TMEM135: variants seen among roughly 807,000 people sequenced by gnomAD.
TMEM135 encodes the protein transmembrane protein 135.
In TMEM135, 30 loss-of-function variants were observed where a neutral mutation model predicts 60.3. The observed-to-expected ratio is 0.50, with a 90% CI of 0.37 to 0.68. The LOEUF (loss-of-function observed/expected upper bound fraction) is 0.68, where lower values mean the gene tolerates loss of function less well. Among genes scored for constraint, TMEM135 ranks in the 30% least tolerant of loss-of-function variants. The pLI, the probability that TMEM135 is intolerant of heterozygous loss-of-function variation, is 0.00. For synonymous variants in TMEM135, 190 were observed against 186.7 expected (o/e 1.02, Z -0.14); for missense variants, 468 against 548.8 (o/e 0.85, Z 1.47).
intron 6 of TMEM135, among the ~76,000 whole-genome samples, chr11:87,267,447 G>C (rs1052262362): frequency 2.0e-5 from 3 of 152,080 alleles, no homozygotes; most frequent in African/African-American, 4.8e-5. Flanking sequence ...TCACATGATT[G>C]TGGGGGCTTT....
At chr11:87,129,676 A>G (rs2512338) in intron 4 of TMEM135, among the ~76,000 whole-genome samples, 72,127 of 150,152 alleles carry the variant, frequency 0.48, 17,501 homozygotes, top group East Asian at 0.67. Context: ...GAGTAGCTGG[A>G]GTTATAGGCC....
chr11:87,199,275 T>A (rs1940040257), intron 5 of TMEM135, among the ~76,000 whole-genome samples: 2 of 152,320 alleles, frequency 1.3e-5, no homozygotes, highest in East Asian at 3.9e-4. Context: ...TTAATGTTTC[T>A]GAAGAGGGTA....
intron 5 of TMEM135, among the ~76,000 whole-genome samples, chr11:87,161,207 T>G (rs1032548331): frequency 6.6e-6 from 1 of 152,188 alleles, no homozygotes; most frequent in Admixed American, 6.5e-5. Flanking sequence ...CTGGGTTGAA[T>G]TTTTTAAATG....
chr11:87,294,476 C>T (rs368028205), intron 6 of TMEM135, among the ~76,000 whole-genome samples: 7 of 152,142 alleles, frequency 4.6e-5, no homozygotes, highest in Non-Finnish European at 1.0e-4. Flanking sequence ...CTCCGCCCCC[C>T]GGGTTCAAGC....
intron 6 of TMEM135, among the ~76,000 whole-genome samples, chr11:87,286,324 G>A (rs1305217430): frequency 1.3e-5 from 2 of 151,850 alleles, no homozygotes; most frequent in Non-Finnish European, 2.9e-5. Flanking sequence ...AGATTAGCTA[G>A]CTACAGAGTG....
chr11:87,059,434 G>A (rs1590986546), intron 1 of TMEM135, among the ~76,000 whole-genome samples: 1 of 151,664 alleles, frequency 6.6e-6, no homozygotes, highest in Non-Finnish European at 1.5e-5. Context: ...TCCTGCCTCA[G>A]CCTCACAAGT....
At chr11:87,073,711 A>G (rs1292447780) in intron 3 of TMEM135, among the ~76,000 whole-genome samples, 1 of 151,578 alleles carries the variant, frequency 6.6e-6, no homozygotes, top group Admixed American at 6.6e-5. Context: ...TCTGTTGCCC[A>G]GGCTGGAGTG....
At chr11:87,131,570 A>G (rs1937932646) in intron 4 of TMEM135, among the ~76,000 whole-genome samples, 1 of 152,186 alleles carries the variant, frequency 6.6e-6, no homozygotes, top group South Asian at 2.1e-4. Context: ...ATATAATTTA[A>G]TCTTCATGAG....
intron 5 of TMEM135, among the ~76,000 whole-genome samples, chr11:87,184,654 A>G (rs1050606247): frequency 6.6e-6 from 1 of 152,056 alleles, no homozygotes; most frequent in Non-Finnish European, 1.5e-5. Flanking sequence ...CTTAAATAGT[A>G]TTGTGTTATA....
Position 87,203,032 on chromosome 11 carries a change from C to CAAAAAAA in TMEM135, c.463-33586_463-33580dup, listed in dbSNP as rs534909524. Among the ~76,000 whole-genome samples the CAAAAAAA allele has an allele frequency of 3.0e-3, 101 of 33,592 alleles. 4 individuals are homozygous for CAAAAAAA. The highest frequency in any genetic ancestry group is 7.3e-3 in the African/African-American group (83 of 11,420). 22.0% of individuals were successfully genotyped at this position (33,592 alleles called of 152,430 possible). On this transcript the variant is annotated intron_variant, in intron 5 of 14. Transcript: ENST00000305494. ...TGGGCGACAGAGTGAGACTCCGTCT[C>CAAAAAAA]AAAAAAAAAAAAAAAAAAAAAAAAA...
intron 5 of TMEM135, among the ~76,000 whole-genome samples, chr11:87,163,864 C>T (rs557345437): frequency 0.016 from 2,301 of 140,860 alleles, 17 homozygotes; most frequent in Non-Finnish European, 0.021. Context: ...TCATGTCCTT[C>T]GCCCACTTTT....
intron 6 of TMEM135, among the ~76,000 whole-genome samples, chr11:87,238,756 C>T (rs974124957): frequency 6.6e-6 from 1 of 151,912 alleles, no homozygotes; most frequent in African/African-American, 2.4e-5. Flanking sequence ...TCTATCTAGC[C>T]TGAAGATATA....
rs1434205245 is a variant in TMEM135 at position 87,097,248 on chromosome 11, C to T, written c.396+5853C>T. Among the ~76,000 whole-genome samples, 5 of 152,142 alleles carry T rather than the reference C, an allele frequency of 3.3e-5. No individual in the cohort carries two copies. The South Asian group carries it at 6.2e-4, about 19-fold the overall frequency. ...CTGACCTCAAGTGATCTGCCCGCCT[C>T]GGCCTCCCAAAGTGCTGGGATTACA... On this transcript the variant is annotated intron_variant, in intron 4 of 14. Transcript: ENST00000305494.
chr11:87,279,200 A>C (rs1454263701), intron 6 of TMEM135, among the ~76,000 whole-genome samples: 1 of 152,102 alleles, frequency 6.6e-6, no homozygotes, highest in Non-Finnish European at 1.5e-5. Context: ...GTGTACTAGT[A>C]TGATTATATC....
chr11:87,056,351 T>TAACA lies in TMEM135; in HGVS notation c.142-11342_142-11339dup, dbSNP rs1034140975. On this transcript the variant is annotated intron_variant, in intron 1 of 14. Transcript: ENST00000305494. The stretch of plus-strand genomic sequence containing the variant: ...GGAGCCTCTCTGGCTTGAACACCTC[T>TAACA]AACACCTCTGCCTCCCAAAGAGCTG... 1.4e-4 allele frequency among the ~76,000 whole-genome samples: 22 copies of TAACA among 152,290 alleles called. No individual in the cohort carries two copies. The Middle Eastern group carries it at 0.014, about 94-fold the overall frequency.
chr11:87,153,936 A>G (rs1161987991), intron 4 of TMEM135, among the ~76,000 whole-genome samples: 1 of 152,228 alleles, frequency 6.6e-6, no homozygotes, highest in Non-Finnish European at 1.5e-5. Flanking sequence ...AAGATGGGGA[A>G]GCATTGGAAA....
rs375745483 is a variant in TMEM135, at chr11:87,243,020, A to G, written c.509+6336A>G. On this transcript the variant is annotated intron_variant, in intron 6 of 14. Transcript: ENST00000305494. Reference sequence around the variant, plus strand: ...TTAAGTCTTTAATCCATCTTGAATTAATTTTTGTATAAGGTGTAAGGAAGG... The same window carrying G: ...TTAAGTCTTTAATCCATCTTGAATTGATTTTTGTATAAGGTGTAAGGAAGG... 1.5e-4 allele frequency among the ~76,000 whole-genome samples: 20 copies of G among 135,110 alleles called. No individual in the cohort carries two copies. In the East Asian group the frequency reaches 2.2e-3, roughly 15 times the overall value. 88.6% of individuals were successfully genotyped at this position (135,110 alleles called of 152,430 possible).
At chr11:87,170,362 G>A (rs946682560) in intron 5 of TMEM135, among the ~76,000 whole-genome samples, 3 of 152,088 alleles carry the variant, frequency 2.0e-5, no homozygotes, top group African/African-American at 7.2e-5. Flanking sequence ...AGGAGAAGAG[G>A]CATTCTGGTT....
chr11:87,147,906 C>T (rs1325353996), intron 4 of TMEM135, among the ~76,000 whole-genome samples: 1 of 152,176 alleles, frequency 6.6e-6, no homozygotes, highest in African/African-American at 2.4e-5. Flanking sequence ...TACAGGCACG[C>T]ACCACCATGC....
Sources: allele counts gnomAD v4.1 joint callset (sites outside exome capture counted in the v4.1 genomes callset), GRCh38; gene constraint gnomAD v4.1.1; transcripts MANE v1.5; gene names NCBI Gene and HGNC (gene_info 2026-07-23, HGNC 2026-07-21).